The following BICC1 variants were observed in gnomAD, a reference collection of about 807,000 sequenced individuals.
BICC1 encodes the protein protein bicaudal C homolog 1.
Under a neutral mutation model 111.0 loss-of-function variants are expected in BICC1, and 43 were observed. The observed-to-expected ratio is 0.39, with a 90% CI of 0.30 to 0.50. The LOEUF (loss-of-function observed/expected upper bound fraction) is 0.50. BICC1 is among the 20% of genes least tolerant of loss of function. The pLI is 0.88. For missense variants in BICC1, 1,091 were observed against 1,203.2 expected, an observed-to-expected ratio of 0.91 and a Z score of 1.38; for synonymous variants, 467 against 434.4, an observed-to-expected ratio of 1.07 and a Z score of -0.93.
At position 58,607,317 on chromosome 10, in the gene BICC1, A is replaced by AAAATAAATAAAT. The variant is rs370698110; in HGVS notation, c.191-13522_191-13511dup. Among the ~76,000 whole-genome samples the AAAATAAATAAAT allele has an allele frequency of 4.1e-3, 546 of 134,694 alleles. 10 individuals are homozygous for AAAATAAATAAAT. Among genetic ancestry groups the AAAATAAATAAAT allele is most frequent in the African/African-American group, 0.011 (399 of 37,904 alleles). 88.4% of individuals were successfully genotyped at this position (134,694 alleles called of 152,430 possible). ...GGCAACAAGAGCGAAACTCTGTCTC[A>AAAATAAATAAAT]AAATAAATAAATAAATAAATAAATA... is the stretch of plus-strand genomic sequence containing the variant. On this transcript the variant is annotated intron_variant, in intron 1 of 20. Transcript: ENST00000373886.
At chr10:58,702,966 C>T (rs982079614) in intron 3 of BICC1, among the ~76,000 whole-genome samples, 9 of 152,074 alleles carry the variant, frequency 5.9e-5, no homozygotes, top group African/African-American at 1.7e-4. Flanking sequence ...TGCCCCTTCT[C>T]CCCATGACTT....
intron 3 of BICC1, among the ~76,000 whole-genome samples, chr10:58,713,518 T>C (rs1334890008): frequency 6.6e-6 from 1 of 152,194 alleles, no homozygotes; most frequent in Admixed American, 6.5e-5. Flanking sequence ...ATGTGAAAGA[T>C]GATATAATTT....
chr10:58,619,724 C>T (rs533062766), intron 1 of BICC1, among the ~76,000 whole-genome samples: 29 of 152,262 alleles, frequency 1.9e-4, no homozygotes, highest in African/African-American at 6.0e-4. Context: ...CCGTCTGCCT[C>T]GGCCTCCCAA....
chr10:58,543,523 T>G (rs1416238810), intron 1 of BICC1, among the ~76,000 whole-genome samples: 2 of 152,094 alleles, frequency 1.3e-5, no homozygotes, highest in African/African-American at 4.8e-5. Context: ...CCATCCCACT[T>G]TTTTAGACAG....
intron 2 of BICC1, among the ~76,000 whole-genome samples, chr10:58,660,768 C>A (rs556465513): frequency 6.6e-6 from 1 of 152,256 alleles, no homozygotes; most frequent in South Asian, 2.1e-4. Flanking sequence ...TCCCATTGCA[C>A]CTCCTCAGGA....
intron 2 of BICC1, among the ~76,000 whole-genome samples, chr10:58,641,825 A>G (rs949380933): frequency 1.3e-5 from 2 of 152,184 alleles, no homozygotes; most frequent in Non-Finnish European, 2.9e-5. Context: ...TATACAGTCT[A>G]GTGGTGTTAG....
intron 1 of BICC1, among the ~76,000 whole-genome samples, chr10:58,569,481 C>A (rs539245136): frequency 6.6e-6 from 1 of 152,048 alleles, no homozygotes; most frequent in African/African-American, 2.4e-5. Flanking sequence ...CATGGTGGTT[C>A]GCTGCACCCA....
chr10:58,513,364 G>A, intron 1 of BICC1, 31 bp downstream of exon 1: 1 of 1,544,118 alleles, frequency 6.5e-7, no homozygotes, highest in Middle Eastern at 1.7e-4. Flanking sequence ...CGGACTCTCC[G>A]ACTGAGCCTC....
chr10:58,601,062 G>C (rs1845007919), intron 1 of BICC1, among the ~76,000 whole-genome samples: 2 of 145,612 alleles, frequency 1.4e-5, no homozygotes. Context: ...AATAGAATTA[G>C]ACTTGATAAG....
chr10:58,626,946 A>G (rs913870197), intron 2 of BICC1, among the ~76,000 whole-genome samples: 2 of 152,176 alleles, frequency 1.3e-5, no homozygotes, highest in African/African-American at 4.8e-5. Flanking sequence ...CTCTGATAAA[A>G]ATACAAAGTT....
chr10:58,608,595 T>C (rs1845311169), intron 1 of BICC1, among the ~76,000 whole-genome samples: 1 of 152,242 alleles, frequency 6.6e-6, no homozygotes, highest in Non-Finnish European at 1.5e-5. Flanking sequence ...TCTTCTGTAA[T>C]GTTTTAGTCT....
chr10:58,736,632 T>C (rs560756369), intron 3 of BICC1, among the ~76,000 whole-genome samples: 3 of 152,304 alleles, frequency 2.0e-5, no homozygotes, highest in South Asian at 4.1e-4. Context: ...TATTGATATG[T>C]TTTTAGAAAA....
chr10:58,819,838 A>G (rs1345191976), intron 19 of BICC1, among the ~76,000 whole-genome samples: 1 of 152,136 alleles, frequency 6.6e-6, no homozygotes, highest in Non-Finnish European at 1.5e-5. Flanking sequence ...GATGCCAGAC[A>G]GTGCAGTTTT....
intron 3 of BICC1, among the ~76,000 whole-genome samples, chr10:58,741,166 G>A (rs1022290081): frequency 3.3e-5 from 5 of 152,174 alleles, no homozygotes; most frequent in East Asian, 1.9e-4. Flanking sequence ...GAGGGCAGAC[G>A]AGTTGTTGGA....
chr10:58,665,193 C>G (rs2132303533), intron 2 of BICC1, among the ~76,000 whole-genome samples: 1 of 152,188 alleles, frequency 6.6e-6, no homozygotes, highest in African/African-American at 2.4e-5. Flanking sequence ...TGTGCCGAAG[C>G]CTCAGGAAAG....
rs1249340038 is a variant in BICC1, at chr10:58,789,884, A to G, written c.998A>G (p.Tyr333Cys). The G allele has an allele frequency of 1.2e-6, 2 of 1,614,118 alleles. No individual in the cohort carries two copies. Among genetic ancestry groups the G allele is most frequent in the Non-Finnish European group, 8.5e-7 (1 of 1,180,010 alleles). ...AATCCACAAAAGAAATCTACCGTCT[A>G]CCTCCAGGGCACCATTGAGTCTGTC... ...PSNPQKKSTVYLQGTIESVCL... is the reference protein window; with the variant it reads ...PSNPQKKSTVCLQGTIESVCL... The change falls in exon 8 of 21, where the codon TAC (tyrosine) becomes TGC (cysteine). Residue 333 changes from tyrosine to cysteine, a missense_variant. By Grantham distance (194) the Tyr-to-Cys change is radical. This residue lies in a region of BICC1 where 843 missense variants were observed against 900.8 expected (regional missense o/e 0.94). Coordinates refer to ENST00000373886, the MANE Select transcript of BICC1 (RefSeq NM_001080512.3).
chr10:58,547,864 A>G (rs1347847887), intron 1 of BICC1, among the ~76,000 whole-genome samples: 4 of 152,106 alleles, frequency 2.6e-5, no homozygotes, highest in Non-Finnish European at 5.9e-5. Flanking sequence ...TGGCACTACA[A>G]GATGCTCATG....
chr10:58,563,982 GAAA>G lies in BICC1; in HGVS notation c.190+50652_190+50654del, dbSNP rs1287361259. Among the ~76,000 whole-genome samples, 3 of 152,058 alleles carry G rather than the reference GAAA, an allele frequency of 2.0e-5. No homozygotes were observed. In the East Asian group the frequency reaches 5.8e-4, roughly 29 times the overall value. On this transcript the variant is annotated intron_variant, in intron 1 of 20. Coordinates refer to ENST00000373886, the MANE Select transcript of BICC1 (RefSeq NM_001080512.3). ...GGCTCTTTCTTTTGTCTTTCAAGTA[GAAA>G]AATAAAAGTCTTGTGATATTTTGTG...
chr10:58,726,493 C>G (rs1454198241), intron 3 of BICC1, among the ~76,000 whole-genome samples: 1 of 152,186 alleles, frequency 6.6e-6, no homozygotes, highest in Non-Finnish European at 1.5e-5. Context: ...GGCAACCCAT[C>G]ATCTTCACAG....
Sources: gnomAD v4.1 joint callset for allele counts (sites outside exome capture counted in the v4.1 genomes callset) on GRCh38, gnomAD v4.1.1 for gene constraint, gnomAD v4.1.1 regional missense constraint, MANE v1.5 for transcripts, NCBI Gene and HGNC (gene_info 2026-07-23, HGNC 2026-07-21) for gene names.